The following ABCA1 variants were observed in gnomAD, a reference collection of about 807,000 sequenced individuals.
The protein encoded by ABCA1 is ATP binding cassette subfamily A member 1.
A neutral mutation model predicts 262.5 loss-of-function variants in ABCA1; 133 were observed. The ratio of observed to expected loss-of-function variants is 0.51; its 90% CI spans 0.44 to 0.59. The LOEUF is 0.59. Ranked by LOEUF, ABCA1 falls within the 20% of genes least tolerant of loss-of-function variation. ABCA1 has a pLI of 0.00. For synonymous variants in ABCA1, 1,022 were observed against 1,043.5 expected, an observed-to-expected ratio of 0.98 and a Z score of 0.40; for missense variants, 2,452 against 2,777.5, an observed-to-expected ratio of 0.88 and a Z score of 2.63.
chr9:104,825,668 C>T lies in ABCA1; in HGVS notation c.2542+15G>A. ...AGAAGTCATATTTTCCAAACAGATG[C>T]CCAAAGCAGTGTACCTGGAAAGACA... On this transcript the variant is annotated intron_variant, in intron 17 of 49. Transcript: ENST00000374736. 2 of 1,613,398 alleles carry T rather than the reference C, an allele frequency of 1.2e-6. No individual in the cohort carries two copies. The highest frequency in any genetic ancestry group is 1.7e-6 in the Non-Finnish European group (2 of 1,179,310).
chr9:104,878,711 G>A (rs1245456362), intron 5 of ABCA1, among the ~76,000 whole-genome samples: 1 of 152,180 alleles, frequency 6.6e-6, no homozygotes, highest in East Asian at 1.9e-4. Context: ...TTGAATGACA[G>A]AATCAACTAA....
At chr9:104,822,798 C>T in intron 18 of ABCA1, 131 bp from the exon 19 acceptor site, 2 of 1,018,110 alleles carry the variant, frequency 2.0e-6, no homozygotes, top group South Asian at 2.7e-5. Context: ...CTCAGGCAGG[C>T]AGGAGGCTAT....
rs1324186862 is a variant in ABCA1 at position 104,874,841 on chromosome 9, C to T, written c.421+8198G>A. On this transcript the variant is annotated intron_variant, in intron 5 of 49. Transcript: ENST00000374736. The stretch of plus-strand genomic sequence containing the variant: ...AGGGAGGTGGGGGCCAGCCCCCGCC[C>T]GGCCAGCCACCCCGTCCGGGAGGGA... 7.9e-5 allele frequency among the ~76,000 whole-genome samples: 11 copies of T among 138,512 alleles called. 1 individual carries two copies. The highest frequency in any genetic ancestry group is 4.5e-5 in the Non-Finnish European group (3 of 67,342). 90.9% of individuals were successfully genotyped at this position (138,512 alleles called of 152,430 possible).
At chr9:104,845,667 G>T in intron 7 of ABCA1, 98 bp from the exon 8 acceptor site, 3 of 855,506 alleles carry the variant, frequency 3.5e-6, no homozygotes, top group African/African-American at 1.7e-5. Flanking sequence ...ACAATCTTGA[G>T]TTTAACAAAC....
chr9:104,885,871 A>G (rs1163255385), intron 3 of ABCA1, among the ~76,000 whole-genome samples: 1 of 152,212 alleles, frequency 6.6e-6, no homozygotes, highest in East Asian at 1.9e-4. Flanking sequence ...CCACAGCTCT[A>G]GGTGGTGAAG....
At position 104,829,005 on chromosome 9, in the gene ABCA1, G is replaced by A. The variant is rs1833030368; in HGVS notation, c.2026C>T (p.Leu676=). The A allele has an allele frequency of 6.2e-7, 1 of 1,614,176 alleles. No individual in the cohort carries two copies. Among genetic ancestry groups the A allele is most frequent in the Admixed American group, 1.7e-5 (1 of 60,010 alleles). Reference sequence around the variant, plus strand: ...CTAAACCAGAGGATGCTGTTGTCCAGGCCCATGATCCGCATGGTCTCTTTC... The same window carrying A: ...CTAAACCAGAGGATGCTGTTGTCCAAGCCCATGATCCGCATGGTCTCTTTC... ...RLKETMRIMG[L]DNSILWFSWF... The change falls in exon 15 of 50, where the codon CTG becomes TTG. Residue 676 remains leucine (L), a synonymous_variant. Coordinates refer to ENST00000374736, the MANE Select transcript of ABCA1 (RefSeq NM_005502.4).
intron 2 of ABCA1, among the ~76,000 whole-genome samples, chr9:104,894,109 C>T (rs564258155): frequency 1.3e-4 from 19 of 150,350 alleles, no homozygotes; most frequent in Non-Finnish European, 2.8e-4. Context: ...TAAGTGTGTG[C>T]TTTTGTACCC....
intron 2 of ABCA1, among the ~76,000 whole-genome samples, chr9:104,893,180 T>C (rs917658435): frequency 1.3e-5 from 2 of 151,962 alleles, no homozygotes; most frequent in African/African-American, 4.8e-5. Flanking sequence ...CCCAGCACTT[T>C]GGGAGGCTGA....
intron 14 of ABCA1, among the ~76,000 whole-genome samples, chr9:104,830,161 A>G (rs1833154932): frequency 6.6e-6 from 1 of 152,252 alleles, no homozygotes; most frequent in Non-Finnish European, 1.5e-5. Context: ...CAGCACTGAA[A>G]GATTTTCTAA....
Position 104,784,115 on chromosome 9 carries a change from T to C in ABCA1, c.*200A>G. ...TTTCACTTGAGAGCCATACAAGACATAGGCTACAAAGGCACTGCCCCTGTA... is the reference window on the plus strand; with the variant it reads ...TTTCACTTGAGAGCCATACAAGACACAGGCTACAAAGGCACTGCCCCTGTA... On this transcript the variant is annotated 3_prime_UTR_variant, in exon 50 of 50. Transcript: ENST00000374736. 3.2e-6 allele frequency: 2 copies of C among 625,268 alleles called. No individual in the cohort carries two copies. Among genetic ancestry groups the C allele is most frequent in the South Asian group, 2.0e-5 (1 of 50,836 alleles). The allele number at this position is 625,268 out of a possible 1,614,324, so 38.7% of individuals were successfully genotyped here.
intron 22 of ABCA1, 31 bp downstream of exon 22, chr9:104,819,555 C>G (rs1490188004): frequency 6.2e-7 from 1 of 1,613,708 alleles, no homozygotes; most frequent in Non-Finnish European, 8.5e-7. Context: ...TCTCTCAGTC[C>G]ATTTACTCAG....
chr9:104,837,959 C>T (rs1327757141), intron 9 of ABCA1, among the ~76,000 whole-genome samples: 1 of 152,184 alleles, frequency 6.6e-6, no homozygotes, highest in African/African-American at 2.4e-5. Context: ...TGACAACTAA[C>T]ATGACCAACA....
chr9:104,820,112 C>T, intron 20 of ABCA1, 43 bp from the exon 21 acceptor site: 4 of 1,613,098 alleles, frequency 2.5e-6, no homozygotes, highest in Non-Finnish European at 3.4e-6. Flanking sequence ...CTACTGGATA[C>T]CCCAGAATAC....
In ABCA1 at chr9:104,831,639, T is replaced by A. The variant is rs764260274; in HGVS notation, c.1698A>T (p.Thr566=). The A allele has an allele frequency of 6.2e-7, 1 of 1,613,832 alleles. No individual in the cohort carries two copies. Among genetic ancestry groups the A allele is most frequent in the South Asian group, 1.1e-5 (1 of 91,080 alleles). ...IRMDIDNVER[T]NKIKDGYWDP... is the part of the protein sequence containing the mutation. ...CCACTTACCCATCCTTGATTTTATTTGTCCTCTCCACATTGTCAATGTCCA... is the reference window on the plus strand; with the variant it reads ...CCACTTACCCATCCTTGATTTTATTAGTCCTCTCCACATTGTCAATGTCCA... The change falls in exon 13 of 50, where the codon ACA becomes ACT. Residue 566 remains threonine (T), a synonymous_variant. Transcript: ENST00000374736.
In ABCA1 at chr9:104,812,624, A is replaced by T. The variant is rs1328274791; in HGVS notation, c.4000T>A (p.Trp1334Arg). ...CGTCTGGCAATTAGCAGTCTCTTCC[A>T]CAAAAGGGCCACAAACTGTTGCTGT... ...LTQQQFVALL[W>R]KRLLIARRSR... is the part of the protein sequence containing the mutation. The change falls in exon 28 of 50, where the codon TGG becomes AGG. Residue 1334 changes from tryptophan (W) to arginine (R), a missense_variant. Trp to Arg is a moderately radical substitution (Grantham distance 101, BLOSUM62 -3). Around this residue, in one of 4 missense-constraint regions of ABCA1, gnomAD observed 665 missense variants for 727.3 expected, o/e 0.91. Coordinates refer to ENST00000374736, the MANE Select transcript of ABCA1 (RefSeq NM_005502.4). 1 of 1,614,226 alleles carries T rather than the reference A, an allele frequency of 6.2e-7. No homozygotes were observed. The highest frequency in any genetic ancestry group is 8.5e-7 in the Non-Finnish European group (1 of 1,180,052).
intron 1 of ABCA1, among the ~76,000 whole-genome samples, chr9:104,915,813 A>G (rs1841808303): frequency 6.6e-6 from 1 of 152,158 alleles, no homozygotes; most frequent in African/African-American, 2.4e-5. Flanking sequence ...CCCCCAAGCA[A>G]CAACGCGCTA....
chr9:104,898,343 G>A (rs1588543730), intron 2 of ABCA1, among the ~76,000 whole-genome samples: 2 of 152,014 alleles, frequency 1.3e-5, no homozygotes, highest in African/African-American at 2.4e-5. Flanking sequence ...AAGGTCAGGA[G>A]TTTCAGACCA....
chr9:104,790,875 T>C, intron 44 of ABCA1, 47 bp downstream of exon 44: 1 of 1,307,094 alleles, frequency 7.7e-7, no homozygotes, highest in Non-Finnish European at 1.1e-6. Flanking sequence ...TTAAATAAAT[T>C]AAAAACAAAG....
At chr9:104,888,994 G>T in intron 3 of ABCA1, 108 bp downstream of exon 3, 1 of 980,702 alleles carries the variant, frequency 1.0e-6, no homozygotes, top group South Asian at 1.3e-5. Context: ...AAGCATGTGT[G>T]ATGTTTCCCA....
Sources: allele counts gnomAD v4.1 joint callset (sites outside exome capture counted in the v4.1 genomes callset), GRCh38; gene constraint gnomAD v4.1.1; regional missense constraint gnomAD v4.1.1; transcripts MANE v1.5; gene names NCBI Gene and HGNC (gene_info 2026-07-23, HGNC 2026-07-21).